The following NEK10 variants were observed in gnomAD, a reference collection of about 807,000 sequenced individuals.
The protein encoded by NEK10 is NIMA related kinase 10, also known as serine/threonine-protein kinase Nek10.
In NEK10, 122 loss-of-function variants were observed where a neutral mutation model predicts 159.8. That is an observed-to-expected ratio of 0.76 (90% confidence interval 0.66 to 0.89). NEK10 has a LOEUF of 0.89. Among genes scored for constraint, NEK10 ranks in the 40% least tolerant of loss-of-function variants. The pLI, the probability that NEK10 is intolerant of heterozygous loss-of-function variation, is 0.00. For missense variants in NEK10, 1,342 were observed against 1,323.1 expected (o/e 1.01, Z -0.22); for synonymous variants, 466 against 457.1 (o/e 1.02, Z -0.25).
intron 26 of NEK10, among the ~76,000 whole-genome samples, chr3:27,182,940 G>A: frequency 6.6e-6 from 1 of 151,772 alleles, no homozygotes; most frequent in Non-Finnish European, 1.5e-5. Context: ...GAGAGGAGAG[G>A]GGGGATAAAA....
At position 27,310,977 on chromosome 3, in the gene NEK10, T is replaced by A. The variant is rs771567936; in HGVS notation, c.608A>T (p.Glu203Val). The A allele has an allele frequency of 2.2e-5, 35 of 1,612,398 alleles. No individual in the cohort carries two copies. Among genetic ancestry groups the A allele is most frequent in the Non-Finnish European group, 2.9e-5 (34 of 1,178,586 alleles). ...GTGGGCTCCACTTGTGGTGACCCATTCTCTTTGATCTTTGACTGCAGCAAG... is the reference window on the plus strand; with the variant it reads ...GTGGGCTCCACTTGTGGTGACCCATACTCTTTGATCTTTGACTGCAGCAAG... ...QKLAAVKDQR[E>V]WVTTSGAHKT... The change falls in exon 9 of 36, where the codon GAA becomes GTA. Residue 203 changes from glutamate to valine, a missense_variant. Physicochemically the swap from Glu to Val is moderately radical, Grantham distance 121 (BLOSUM62 -2). Coordinates refer to ENST00000691995, the MANE Select transcript of NEK10 (RefSeq NM_001394966.1).
intron 6 of NEK10, among the ~76,000 whole-genome samples, chr3:27,317,841 TGCCCAG>T (rs2045322598): frequency 6.6e-6 from 1 of 151,586 alleles, no homozygotes; most frequent in Admixed American, 6.7e-5. Flanking sequence ...CTCCCTCTGT[TGCCCAG>T]GCTGGAGTGC....
At chr3:27,339,648 G>A (rs977413557) in intron 5 of NEK10, among the ~76,000 whole-genome samples, 13 of 151,980 alleles carry the variant, frequency 8.6e-5, no homozygotes, top group African/African-American at 3.1e-4. Context: ...GTGTGGTGGT[G>A]TGCACCTGTA....
At chr3:27,358,412 A>G (rs1451378554) in intron 1 of NEK10, among the ~76,000 whole-genome samples, 3 of 152,164 alleles carry the variant, frequency 2.0e-5, no homozygotes, top group Non-Finnish European at 4.4e-5. Flanking sequence ...CACAGTTATG[A>G]TTCATTGTTG....
Position 27,365,619 on chromosome 3 carries a change from T to TTTTTTTTTTTTTTTTTTG in NEK10, c.-38+3605_-38+3606insCAAAAAAAAAAAAAAAAA, listed in dbSNP as rs1559571627. ...TGTGTTTTTTTTTTGTGTTTTTTTTTTTTTTTTTTTTGAGATGGAGTCTTG... is the reference window on the plus strand; with the variant it reads ...TGTGTTTTTTTTTTGTGTTTTTTTTTTTTTTTTTTTTTTTTTTGTTTTTTTTTTTGAGATGGAGTCTTG... On this transcript the variant is annotated intron_variant, in intron 1 of 35. Transcript: ENST00000691995. Among the ~76,000 whole-genome samples the TTTTTTTTTTTTTTTTTTG allele has an allele frequency of 1.2e-4, 17 of 137,828 alleles. 1 individual carries two copies. Among genetic ancestry groups the TTTTTTTTTTTTTTTTTTG allele is most frequent in the Admixed American group, 2.9e-4 (4 of 13,698 alleles). 90.4% of individuals were successfully genotyped at this position (137,828 alleles called of 152,430 possible).
chr3:27,303,162 T>C (rs142513469), intron 12 of NEK10, among the ~76,000 whole-genome samples: 19 of 152,312 alleles, frequency 1.2e-4, no homozygotes, highest in African/African-American at 4.3e-4. Context: ...AAATATGTCA[T>C]TGTCCTGGGG....
At chr3:27,119,684 T>A in intron 33 of NEK10, 76 bp downstream of exon 33, 2 of 1,145,696 alleles carry the variant, frequency 1.7e-6, no homozygotes, top group South Asian at 1.4e-5. Context: ...TTGGAGATAA[T>A]CTTTTAGAAA....
intron 19 of NEK10, among the ~76,000 whole-genome samples, chr3:27,289,885 C>T (rs979880734): frequency 1.3e-5 from 2 of 152,186 alleles, no homozygotes; most frequent in Admixed American, 1.3e-4. Flanking sequence ...CAAAGGTCTC[C>T]TTGTTTATGG....
intron 25 of NEK10, among the ~76,000 whole-genome samples, chr3:27,197,850 GGTTA>G (rs1471925617): frequency 6.6e-6 from 1 of 151,752 alleles, no homozygotes; most frequent in Non-Finnish European, 1.5e-5. Context: ...ACAACGTGCA[GGTTA>G]GTTACATACG....
At chr3:27,231,309 T>A (rs1953240283) in intron 23 of NEK10, among the ~76,000 whole-genome samples, 1 of 151,906 alleles carries the variant, frequency 6.6e-6, no homozygotes, top group Non-Finnish European at 1.5e-5. Context: ...ATGATAACAG[T>A]GACACAACTT....
At chr3:27,340,057 T>A (rs2047093116) in intron 5 of NEK10, among the ~76,000 whole-genome samples, 1 of 152,024 alleles carries the variant, frequency 6.6e-6, no homozygotes, top group Non-Finnish European at 1.5e-5. Context: ...CACATGCACA[T>A]ATATGTTTAT....
At chr3:27,302,484 T>C (rs984225772) in intron 12 of NEK10, among the ~76,000 whole-genome samples, 1 of 152,192 alleles carries the variant, frequency 6.6e-6, no homozygotes, top group Non-Finnish European at 1.5e-5. Flanking sequence ...TTCTCCCTTT[T>C]TTGTGTCCAA....
chr3:27,287,238 A>G (rs1163330986), intron 20 of NEK10, among the ~76,000 whole-genome samples: 1 of 152,048 alleles, frequency 6.6e-6, no homozygotes, highest in African/African-American at 2.4e-5. Flanking sequence ...GGCTGCCAGA[A>G]TCAGTCTGGG....
At chr3:27,297,547 C>T (rs1004578566) in intron 13 of NEK10, among the ~76,000 whole-genome samples, 6 of 152,164 alleles carry the variant, frequency 3.9e-5, no homozygotes, top group Admixed American at 3.3e-4. Context: ...ATCCCCAGTG[C>T]CCAAAACATG....
At chr3:27,169,592 T>C (rs1347038213) in intron 29 of NEK10, among the ~76,000 whole-genome samples, 1 of 152,236 alleles carries the variant, frequency 6.6e-6, no homozygotes, top group Non-Finnish European at 1.5e-5. Flanking sequence ...CATTTGAAGA[T>C]AAATGTATCA....
At chr3:27,354,095 G>T (rs2048161148) in intron 1 of NEK10, among the ~76,000 whole-genome samples, 1 of 152,098 alleles carries the variant, frequency 6.6e-6, no homozygotes, top group Non-Finnish European at 1.5e-5. Context: ...AAATACAGAA[G>T]AAATACTCTA....
intron 33 of NEK10, 134 bp from the exon 34 acceptor site, chr3:27,116,261 C>A (rs1940410494): frequency 5.3e-6 from 4 of 755,572 alleles, no homozygotes; most frequent in Non-Finnish European, 8.8e-6. Flanking sequence ...CAAGCAAATT[C>A]CAAAGCATCT....
Position 27,287,699 on chromosome 3 carries a change from T to C in NEK10, c.1788A>G (p.Glu596=). ...AATATCATGAAAACTCATACTTACTTTCCAGAAATGTTTTGTAATAACGTA... is the reference window on the plus strand; with the variant it reads ...AATATCATGAAAACTCATACTTACTCTCCAGAAATGTTTTGTAATAACGTA... ...NIVRYYKTFL[E]NDRLYIVMEL... The change falls in exon 20 of 36, where the codon GAA becomes GAG. Residue 596 remains glutamate, a splice_region_variant and synonymous_variant. Transcript: ENST00000691995. 6.4e-7 allele frequency: 1 copy of C among 1,564,520 alleles called. No individual in the cohort carries two copies. Among genetic ancestry groups the C allele is most frequent in the South Asian group, 1.2e-5 (1 of 82,332 alleles).
At chr3:27,344,676 G>A (rs1031665735) in intron 4 of NEK10, among the ~76,000 whole-genome samples, 2 of 152,092 alleles carry the variant, frequency 1.3e-5, no homozygotes, top group Non-Finnish European at 2.9e-5. Context: ...GGCTAAAATT[G>A]GTTGGAGGGA....
Sources: allele counts gnomAD v4.1 joint callset (sites outside exome capture counted in the v4.1 genomes callset), GRCh38; gene constraint gnomAD v4.1.1; transcripts MANE v1.5; gene names NCBI Gene and HGNC (gene_info 2026-07-23, HGNC 2026-07-21).